The following PAQR5 variants were observed in gnomAD, a reference collection of about 807,000 sequenced individuals.
PAQR5 encodes membrane progestin receptor gamma.
In PAQR5, 20 loss-of-function variants were observed where a neutral mutation model predicts 34.5. The ratio of observed to expected loss-of-function variants is 0.58; its 90% CI spans 0.41 to 0.84. The LOEUF (loss-of-function observed/expected upper bound fraction) is 0.84. PAQR5 is among the 40% of genes least tolerant of loss of function. The pLI is 0.00. For missense variants in PAQR5, 378 were observed against 412.7 expected, an observed-to-expected ratio of 0.92 and a Z score of 0.73; for synonymous variants, 131 against 155.6, an observed-to-expected ratio of 0.84 and a Z score of 1.18.
intron 1 of PAQR5, among the ~76,000 whole-genome samples, chr15:69,300,454 G>C (rs1252092374): frequency 6.6e-6 from 1 of 151,998 alleles, no homozygotes; most frequent in Non-Finnish European, 1.5e-5. Flanking sequence ...TGAAAAGTTG[G>C]ATCAGAAAGG....
intron 7 of PAQR5, 170 bp downstream of exon 7, chr15:69,397,734 A>G (rs2056491757): frequency 1.6e-6 from 1 of 624,450 alleles, no homozygotes; most frequent in Non-Finnish European, 2.9e-6. Context: ...ATTTCTCGTC[A>G]GGTGGGACGA....
chr15:69,351,576 A>G (rs1156977969), intron 2 of PAQR5, among the ~76,000 whole-genome samples: 3 of 152,236 alleles, frequency 2.0e-5, no homozygotes, highest in African/African-American at 2.4e-5. Context: ...TCAGGGGTAT[A>G]TAAACTCTCC....
At chr15:69,362,303 A>G (rs989682342) in intron 3 of PAQR5, among the ~76,000 whole-genome samples, 22 of 152,190 alleles carry the variant, frequency 1.4e-4, no homozygotes, top group African/African-American at 5.1e-4. Flanking sequence ...TTTGCTTCAA[A>G]ATCTGCCTTG....
At chr15:69,304,108 G>T (rs1019866411) in intron 1 of PAQR5, among the ~76,000 whole-genome samples, 2 of 152,174 alleles carry the variant, frequency 1.3e-5, no homozygotes, top group African/African-American at 4.8e-5. Context: ...AAACAAATCT[G>T]TAATGGGGCC....
chr15:69,400,076 C>A lies in PAQR5; in HGVS notation c.712C>A (p.Leu238Met), dbSNP rs2140263922. 1 of 1,614,170 alleles carries A rather than the reference C, an allele frequency of 6.2e-7. No individual in the cohort carries two copies. Among genetic ancestry groups the A allele is most frequent in the Non-Finnish European group, 8.5e-7 (1 of 1,180,010 alleles). The change falls in exon 8 of 9, where the codon CTG (leucine) becomes ATG (methionine). Residue 238 changes from leucine (L) to methionine (M), a missense_variant. By Grantham distance (15) the Leu-to-Met change is conservative. Transcript: ENST00000395407. ...GGCCTCTTTCTTGTACTCTGCACAT[C>A]TGCCAGAACGCCTAGCCCCTGGACG... ...LLASFLYSAH[L>M]PERLAPGRFD...
rs144601337 is a variant in PAQR5 at position 69,390,356 on chromosome 15, A to ATTTTT, written c.512+579_512+580insTTTTT. ...TATTTATTTATTTATTTATTTATTT[A>ATTTTT]TTTATTTTTTTGAGACAGGGTCTCT... On this transcript the variant is annotated intron_variant, in intron 6 of 8. Transcript: ENST00000395407. 5.0e-3 allele frequency among the ~76,000 whole-genome samples: 667 copies of ATTTTT among 132,664 alleles called. 34 individuals are homozygous for ATTTTT. Among genetic ancestry groups the ATTTTT allele is most frequent in the Middle Eastern group, 0.02 (5 of 252 alleles). 87.0% of individuals were successfully genotyped at this position (132,664 alleles called of 152,430 possible).
intron 1 of PAQR5, among the ~76,000 whole-genome samples, chr15:69,319,449 T>C (rs1566996012): frequency 6.6e-6 from 1 of 151,502 alleles, no homozygotes; most frequent in Non-Finnish European, 1.5e-5. Context: ...CTCAGAGCAG[T>C]TGTTCCCTCC....
At chr15:69,393,426 T>C (rs904230826) in intron 6 of PAQR5, among the ~76,000 whole-genome samples, 3 of 127,762 alleles carry the variant, frequency 2.3e-5, no homozygotes, top group African/African-American at 8.4e-5. Flanking sequence ...CCCCCAGACT[T>C]GCTGTATGGC....
At chr15:69,328,085 CTCT>C (rs767699853) in intron 1 of PAQR5, among the ~76,000 whole-genome samples, 8 of 152,148 alleles carry the variant, frequency 5.3e-5, no homozygotes, top group Non-Finnish European at 8.8e-5. Flanking sequence ...CCAGCCAAGT[CTCT>C]TCTTCTATAA....
chr15:69,398,709 C>T (rs932267745), intron 7 of PAQR5, among the ~76,000 whole-genome samples: 3 of 152,202 alleles, frequency 2.0e-5, no homozygotes, highest in South Asian at 2.1e-4. Flanking sequence ...TCCTCAAGGG[C>T]GCAGACCACA....
chr15:69,323,679 C>T (rs2054181182), intron 1 of PAQR5, among the ~76,000 whole-genome samples: 1 of 152,172 alleles, frequency 6.6e-6, no homozygotes, highest in Admixed American at 6.5e-5. Context: ...AATATACATG[C>T]TCATTGTGGG....
At chr15:69,340,303 A>G (rs923473772) in intron 2 of PAQR5, among the ~76,000 whole-genome samples, 2 of 152,200 alleles carry the variant, frequency 1.3e-5, no homozygotes, top group Admixed American at 1.3e-4. Flanking sequence ...CAAACATCAT[A>G]AAACAGTACT....
intron 1 of PAQR5, among the ~76,000 whole-genome samples, chr15:69,322,559 G>T (rs1236227874): frequency 6.9e-6 from 1 of 144,790 alleles, no homozygotes; most frequent in Non-Finnish European, 1.5e-5. Flanking sequence ...GGAGGCTGTG[G>T]TAAGAGGATC....
chr15:69,300,575 T>C (rs1231646831), intron 1 of PAQR5, among the ~76,000 whole-genome samples: 13 of 83,500 alleles, frequency 1.6e-4, no homozygotes. Flanking sequence ...TTCTTTCTCT[T>C]TCTTTCTTTC....
At chr15:69,382,442 C>T (rs777131234) in intron 4 of PAQR5, among the ~76,000 whole-genome samples, 2 of 151,642 alleles carry the variant, frequency 1.3e-5, no homozygotes, top group Non-Finnish European at 2.9e-5. Flanking sequence ...GTCAGGAGAT[C>T]GAGACCATCC....
chr15:69,397,315 G>C (rs748175525), intron 6 of PAQR5, 153 bp from the exon 7 acceptor site: 1 of 713,316 alleles, frequency 1.4e-6, no homozygotes, highest in Non-Finnish European at 2.6e-6. Flanking sequence ...AGGAATGGAC[G>C]AGGCTGGTGG....
At chr15:69,384,925 G>A (rs374393962) in intron 5 of PAQR5, 43 bp downstream of exon 5, 53 of 1,494,310 alleles carry the variant, frequency 3.5e-5, no homozygotes, top group Non-Finnish European at 4.7e-5. Flanking sequence ...CTGCAACCGG[G>A]CTGTTTGCCC....
rs535389318 is a variant in PAQR5 at position 69,359,067 on chromosome 15, T to A, written c.-115-899T>A. Among the ~76,000 whole-genome samples the A allele has an allele frequency of 3.9e-5, 6 of 152,260 alleles. No individual in the cohort carries two copies. In the East Asian group the frequency reaches 1.2e-3, roughly 29 times the overall value. On this transcript the variant is annotated intron_variant, in intron 2 of 8. Transcript: ENST00000395407. ...GGTCACAGTGCCAGCAGATTCCCCG[T>A]CTGGTGAGGGCCCATTCCTCATAGA...
chr15:69,300,648 TCTTTTC>T (rs2053533402), intron 1 of PAQR5, among the ~76,000 whole-genome samples: 1 of 50,498 alleles, frequency 2.0e-5, no homozygotes, highest in Non-Finnish European at 4.6e-5. Flanking sequence ...TTTCTTTCTT[TCTTTTC>T]TTTCTTTCTT....
Sources: allele counts gnomAD v4.1 joint callset (sites outside exome capture counted in the v4.1 genomes callset), GRCh38; gene constraint gnomAD v4.1.1; transcripts MANE v1.5; gene names NCBI Gene and HGNC (gene_info 2026-07-23, HGNC 2026-07-21).